Variants in MAF observed in about 807,000 individuals in gnomAD.
MAF encodes transcription factor Maf.
In MAF, 10 loss-of-function variants were observed where a neutral mutation model predicts 22.0. The ratio of observed to expected loss-of-function variants is 0.45; its 90% CI spans 0.28 to 0.77. MAF has a LOEUF of 0.77. Ranked by LOEUF, MAF falls within the 30% of genes least tolerant of loss-of-function variation. The pLI is 0.12. For synonymous variants in MAF, 337 were observed against 255.8 expected, an observed-to-expected ratio of 1.32 and a Z score of -3.03; for missense variants, 544 against 548.4, an observed-to-expected ratio of 0.99 and a Z score of 0.08.
At chr16:79,475,540 C>T in the MAF span, among the ~76,000 whole-genome samples, 1 of 152,064 alleles carries the variant, frequency 6.6e-6, no homozygotes, top group Admixed American at 6.6e-5. Flanking sequence ...ATCTATCCAT[C>T]TGTCTGTCTG....
chr16:79,230,397 T>C, the MAF span, among the ~76,000 whole-genome samples: 1 of 152,270 alleles, frequency 6.6e-6, no homozygotes, highest in African/African-American at 2.4e-5. Context: ...CCATCCGCCT[T>C]GAAGGCACTG....
At chr16:79,461,493 C>A in the MAF span, among the ~76,000 whole-genome samples, 1 of 152,120 alleles carries the variant, frequency 6.6e-6, no homozygotes. Context: ...GGAGTATTGC[C>A]TAGGAAGCCC....
At chr16:79,366,293 T>A in the MAF span, among the ~76,000 whole-genome samples, 1 of 152,184 alleles carries the variant, frequency 6.6e-6, no homozygotes, top group Non-Finnish European at 1.5e-5. Context: ...ACCAAATATC[T>A]GTTGGAAACT....
chr16:79,519,154 T>A, the MAF span, among the ~76,000 whole-genome samples: 1 of 152,140 alleles, frequency 6.6e-6, no homozygotes. Flanking sequence ...GCAGAGATCC[T>A]CTCCTTTGTA....
chr16:79,267,106 T>A, the MAF span, among the ~76,000 whole-genome samples: 1 of 152,202 alleles, frequency 6.6e-6, no homozygotes, highest in South Asian at 2.1e-4. Context: ...AAAGTCAGGA[T>A]AGCTAAGAGA....
At chr16:79,380,237 A>G in the MAF span, among the ~76,000 whole-genome samples, 1 of 152,224 alleles carries the variant, frequency 6.6e-6, no homozygotes, top group African/African-American at 2.4e-5. Context: ...TAAGTGATGT[A>G]TATTCATTAG....
chr16:79,263,440 C>G, the MAF span, among the ~76,000 whole-genome samples: 1 of 152,122 alleles, frequency 6.6e-6, no homozygotes, highest in Admixed American at 6.5e-5. Context: ...TATAAAAATC[C>G]AAGAGTATTT....
At chr16:79,500,232 G>C in the MAF span, among the ~76,000 whole-genome samples, 1 of 152,216 alleles carries the variant, frequency 6.6e-6, no homozygotes, top group Non-Finnish European at 1.5e-5. Flanking sequence ...AATTAATGCA[G>C]AAGCTAAATC....
the MAF span, among the ~76,000 whole-genome samples, chr16:79,359,938 A>T: frequency 6.6e-6 from 1 of 152,190 alleles, no homozygotes; most frequent in African/African-American, 2.4e-5. Flanking sequence ...ATCTTATAAC[A>T]TGTGAAGGAT....
At chr16:79,207,646 AGACAG>A in the MAF span, among the ~76,000 whole-genome samples, 1 of 152,226 alleles carries the variant, frequency 6.6e-6, no homozygotes, top group Non-Finnish European at 1.5e-5. Flanking sequence ...GTCTACTTTA[AGACAG>A]GAATCTCCTC....
At chr16:79,383,615 G>A in the MAF span, among the ~76,000 whole-genome samples, 89 of 152,258 alleles carry the variant, frequency 5.8e-4, 1 homozygote, top group African/African-American at 2.1e-3. Flanking sequence ...CAGACTTGTA[G>A]CTACTTAACC....
At chr16:79,214,818 C>A in the MAF span, among the ~76,000 whole-genome samples, 3 of 139,168 alleles carry the variant, frequency 2.2e-5, no homozygotes, top group Admixed American at 7.9e-5. Context: ...TCAAGCGATT[C>A]TCCTGCCCCA....
chr16:79,527,811 T>C, the MAF span, among the ~76,000 whole-genome samples: 1 of 152,258 alleles, frequency 6.6e-6, no homozygotes, highest in East Asian at 1.9e-4. Context: ...CAGCAACATG[T>C]TGGTTCAAGA....
At chr16:79,285,014 T>G in the MAF span, among the ~76,000 whole-genome samples, 3 of 152,224 alleles carry the variant, frequency 2.0e-5, no homozygotes, top group Non-Finnish European at 2.9e-5. Context: ...ATATGCAAAT[T>G]TGCCAACCAA....
the MAF span, among the ~76,000 whole-genome samples, chr16:79,407,663 A>AT: frequency 2.6e-5 from 4 of 151,822 alleles, no homozygotes; most frequent in Non-Finnish European, 5.9e-5. Flanking sequence ...CATATCACTC[A>AT]TTTTTTTCTT....
At chr16:79,246,540 T>TGA in the MAF span, among the ~76,000 whole-genome samples, 1 of 101,372 alleles carries the variant, frequency 9.9e-6, no homozygotes, top group Admixed American at 9.7e-5. Flanking sequence ...AGGTTTTTTT[T>TGA]GGGGGGGGTG....
At chr16:79,585,218 C>T (rs1679937068), downstream of MAF, among the ~76,000 whole-genome samples, 1 of 152,068 alleles carries the variant, frequency 6.6e-6, no homozygotes, top group Admixed American at 6.5e-5. Flanking sequence ...TAATTGAAAA[C>T]CCATTTAAAT....
the MAF span, among the ~76,000 whole-genome samples, chr16:79,337,474 A>C: frequency 1.3e-5 from 2 of 152,208 alleles, no homozygotes; most frequent in African/African-American, 2.4e-5. Flanking sequence ...AGGCTGAGGC[A>C]GAAGAATCGC....
At chr16:79,416,155 G>A in the MAF span, among the ~76,000 whole-genome samples, 1 of 152,164 alleles carries the variant, frequency 6.6e-6, no homozygotes, top group South Asian at 2.1e-4. Flanking sequence ...GGATGGAAGT[G>A]GGGCGATTGC....
Sources: gnomAD v4.1 joint callset for allele counts (sites outside exome capture counted in the v4.1 genomes callset) on GRCh38, gnomAD v4.1.1 for gene constraint, MANE v1.5 for transcripts, NCBI Gene and HGNC (gene_info 2026-07-23, HGNC 2026-07-21) for gene names.